The following AGBL4 variants were observed in gnomAD, a reference collection of about 807,000 sequenced individuals.
AGBL4 encodes the protein cytosolic carboxypeptidase 6.
A neutral mutation model predicts 66.4 loss-of-function variants in AGBL4; 58 were observed. The observed-to-expected ratio is 0.87, with a 90% confidence interval of 0.71 to 1.09. AGBL4 has a LOEUF of 1.09. Among genes scored for constraint, AGBL4 ranks in the 50% least tolerant of loss-of-function variants. The probability of loss-of-function intolerance (pLI) is 0.00; values close to 1 mark genes in which losing one functional copy is unlikely to be tolerated. For missense variants in AGBL4, 579 were observed against 631.0 expected, an observed-to-expected ratio of 0.92 and a Z score of 0.88; for synonymous variants, 234 against 222.9, an observed-to-expected ratio of 1.05 and a Z score of -0.44.
intron 5 of AGBL4, among the ~76,000 whole-genome samples, chr1:48,929,397 C>G (rs1054166093): frequency 6.6e-6 from 1 of 152,128 alleles, no homozygotes; most frequent in African/African-American, 2.4e-5. Flanking sequence ...GTTCTCTTTC[C>G]TGGAGCAATT....
intron 4 of AGBL4, among the ~76,000 whole-genome samples, chr1:49,232,906 A>G (rs955668010): frequency 6.6e-6 from 1 of 152,222 alleles, no homozygotes; most frequent in African/African-American, 2.4e-5. Context: ...ATTTGTTTAT[A>G]TCATTAAATG....
intron 2 of AGBL4, among the ~76,000 whole-genome samples, chr1:49,718,638 C>G (rs771271245): frequency 6.6e-6 from 1 of 152,032 alleles, no homozygotes; most frequent in Non-Finnish European, 1.5e-5. Context: ...TTTCAGTAAA[C>G]TTAAACTGCA....
chr1:49,594,531 G>A (rs1644814650), intron 3 of AGBL4, among the ~76,000 whole-genome samples: 1 of 152,040 alleles, frequency 6.6e-6, no homozygotes, highest in Non-Finnish European at 1.5e-5. Context: ...ATCCACCACT[G>A]ACAGTCCCTG....
At chr1:49,638,346 A>G (rs1254100848) in intron 3 of AGBL4, among the ~76,000 whole-genome samples, 1 of 152,232 alleles carries the variant, frequency 6.6e-6, no homozygotes, top group East Asian at 1.9e-4. Flanking sequence ...TCTGAGACAT[A>G]AAAGTGTAAG....
chr1:49,951,347 T>A lies in AGBL4; in HGVS notation c.34+72416A>T, dbSNP rs150044799. On this transcript the variant is annotated intron_variant, in intron 1 of 13. Transcript: ENST00000371839. ...AAACAGGAAAGCCATGAAGGGAGGGTTCTCACACATGTGTGCCTGATAACA... is the reference window on the plus strand; with the variant it reads ...AAACAGGAAAGCCATGAAGGGAGGGATCTCACACATGTGTGCCTGATAACA... 7.9e-5 allele frequency among the ~76,000 whole-genome samples: 12 copies of A among 151,596 alleles called. No homozygotes were observed. The East Asian group carries it at 2.3e-3, about 29-fold the overall frequency.
At chr1:49,116,327 G>A (rs1161390572) in intron 4 of AGBL4, among the ~76,000 whole-genome samples, 9 of 152,046 alleles carry the variant, frequency 5.9e-5, no homozygotes, top group African/African-American at 1.7e-4. Context: ...CCATCAACTC[G>A]TCATTTACAT....
intron 5 of AGBL4, among the ~76,000 whole-genome samples, chr1:48,895,728 C>T (rs2298200): frequency 0.16 from 24,268 of 152,064 alleles, 2,470 homozygotes; most frequent in East Asian, 0.42. Flanking sequence ...GAAAGAGACT[C>T]GAGCATATCA....
intron 2 of AGBL4, among the ~76,000 whole-genome samples, chr1:49,756,104 A>T (rs576421738): frequency 7.5e-4 from 114 of 152,216 alleles, no homozygotes; most frequent in Middle Eastern, 3.4e-3. Flanking sequence ...AATTAAAAAA[A>T]TTTTTTTGAA....
intron 4 of AGBL4, among the ~76,000 whole-genome samples, chr1:49,213,641 T>TA (rs1648848707): frequency 6.6e-6 from 1 of 152,144 alleles, no homozygotes; most frequent in South Asian, 2.1e-4. Flanking sequence ...GTGAGCCAAT[T>TA]AAAACTCTTT....
rs563349836 is a variant in AGBL4 at position 49,741,245 on chromosome 1, A to G, written c.158-43808T>C. Reference sequence around the variant, plus strand: ...TCATCACCAATCCCACAGAAATACAAACTACCATCAGAGAATACTATAAAC... The same window carrying G: ...TCATCACCAATCCCACAGAAATACAGACTACCATCAGAGAATACTATAAAC... On this transcript the variant is annotated intron_variant, in intron 2 of 13. Transcript: ENST00000371839. Among the ~76,000 whole-genome samples the G allele has an allele frequency of 2.6e-5, 4 of 152,324 alleles. No homozygotes were observed. The East Asian group carries it at 7.7e-4, about 29-fold the overall frequency.
At chr1:49,491,417 C>T (rs867440928) in intron 3 of AGBL4, among the ~76,000 whole-genome samples, 3 of 151,716 alleles carry the variant, frequency 2.0e-5, no homozygotes, top group African/African-American at 4.8e-5. Flanking sequence ...GTATCTTCTC[C>T]CCCTCCTCAA....
intron 5 of AGBL4, among the ~76,000 whole-genome samples, chr1:48,956,523 T>C (rs1657459327): frequency 2.0e-5 from 3 of 152,092 alleles, no homozygotes; most frequent in Admixed American, 6.5e-5. Flanking sequence ...ATAACTGCAA[T>C]TGCTTACAGA....
At chr1:49,906,041 A>C (rs1054787300) in intron 1 of AGBL4, among the ~76,000 whole-genome samples, 1 of 151,824 alleles carries the variant, frequency 6.6e-6, no homozygotes, top group Non-Finnish European at 1.5e-5. Context: ...TGAGCAGATT[A>C]TGTAGCCATT....
intron 5 of AGBL4, among the ~76,000 whole-genome samples, chr1:48,920,771 G>A (rs527691203): frequency 6.6e-6 from 1 of 152,258 alleles, no homozygotes; most frequent in Non-Finnish European, 1.5e-5. Flanking sequence ...CCTAGAGATA[G>A]GCCAACTGAC....
chr1:49,970,690 C>T (rs1297092566), intron 1 of AGBL4, among the ~76,000 whole-genome samples: 4 of 131,744 alleles, frequency 3.0e-5, no homozygotes, highest in East Asian at 2.6e-4. Context: ...AGCACGACTC[C>T]GACTCAAAAA....
At chr1:48,807,192 G>T (rs1335495500) in intron 6 of AGBL4, among the ~76,000 whole-genome samples, 1 of 152,168 alleles carries the variant, frequency 6.6e-6, no homozygotes, top group African/African-American at 2.4e-5. Flanking sequence ...TTGCCTGTCT[G>T]CCCATTAGAT....
chr1:49,889,950 T>C (rs545430146), intron 1 of AGBL4, among the ~76,000 whole-genome samples: 23 of 152,306 alleles, frequency 1.5e-4, no homozygotes, highest in Non-Finnish European at 2.5e-4. Flanking sequence ...TCTCAGATTA[T>C]GCTTATATCA....
chr1:49,554,996 GA>G (rs1218108374), intron 3 of AGBL4, among the ~76,000 whole-genome samples: 1 of 152,206 alleles, frequency 6.6e-6, no homozygotes, highest in Non-Finnish European at 1.5e-5. Flanking sequence ...GTGAGCAGCA[GA>G]AAGATTTACT....
At chr1:48,556,018 CCTT>C (rs1464912049) in intron 11 of AGBL4, among the ~76,000 whole-genome samples, 1 of 151,986 alleles carries the variant, frequency 6.6e-6, no homozygotes, top group Non-Finnish European at 1.5e-5. Flanking sequence ...TCCATCCTGC[CCTT>C]CTTAGTAGTA....
Sources: allele counts gnomAD v4.1 joint callset (sites outside exome capture counted in the v4.1 genomes callset), GRCh38; gene constraint gnomAD v4.1.1; transcripts MANE v1.5; gene names NCBI Gene and HGNC (gene_info 2026-07-23, HGNC 2026-07-21).